RPTOR: variants seen among roughly 807,000 people sequenced by gnomAD.
RPTOR encodes the protein regulatory-associated protein of mTOR.
A neutral mutation model predicts 169.9 loss-of-function variants in RPTOR; 21 were observed. That is an observed-to-expected ratio of 0.12 (90% CI 0.09 to 0.18). The LOEUF is 0.18. Among genes scored for constraint, RPTOR ranks in the 10% least tolerant of loss-of-function variants. RPTOR has a pLI of 1.00. For missense variants in RPTOR, 1,133 were observed against 1,855.9 expected (o/e 0.61, Z 7.16); for synonymous variants, 732 against 753.2 (o/e 0.97, Z 0.46).
intron 6 of RPTOR, among the ~76,000 whole-genome samples, chr17:80,785,555 A>G (rs1654382428): frequency 6.6e-6 from 1 of 152,140 alleles, no homozygotes. Flanking sequence ...TGAGTCCTCG[A>G]ATCACAGCAG....
At chr17:80,567,173 G>A (rs1418747629) in intron 1 of RPTOR, among the ~76,000 whole-genome samples, 3 of 151,882 alleles carry the variant, frequency 2.0e-5, no homozygotes, top group African/African-American at 4.8e-5. Flanking sequence ...GTTTCATCAC[G>A]TTGGCCAGGC....
chr17:80,653,957 C>T (rs1187791022), intron 3 of RPTOR, among the ~76,000 whole-genome samples: 4 of 152,232 alleles, frequency 2.6e-5, no homozygotes, highest in African/African-American at 7.2e-5. Flanking sequence ...TTAAATTCCC[C>T]CCACAAGAGT....
At chr17:80,830,897 CA>C (rs1447379353) in intron 9 of RPTOR, among the ~76,000 whole-genome samples, 1 of 152,028 alleles carries the variant, frequency 6.6e-6, no homozygotes, top group Non-Finnish European at 1.5e-5. Context: ...ACTACAGGCA[CA>C]CGCCCAGCTA....
chr17:80,568,478 C>T (rs540860721), intron 1 of RPTOR, among the ~76,000 whole-genome samples: 2 of 152,180 alleles, frequency 1.3e-5, no homozygotes, highest in South Asian at 4.1e-4. Context: ...TCTTTTTCTC[C>T]TCCAGCTACT....
At chr17:80,629,901 G>C (rs9896281) in intron 2 of RPTOR, among the ~76,000 whole-genome samples, 19,041 of 152,060 alleles carry the variant, frequency 0.13, 1,735 homozygotes, top group African/African-American at 0.26. Flanking sequence ...TATGTATTGC[G>C]CTGTTGGACA....
intron 7 of RPTOR, among the ~76,000 whole-genome samples, chr17:80,808,513 C>T (rs2067241571): frequency 6.6e-6 from 1 of 152,170 alleles, no homozygotes; most frequent in Admixed American, 6.5e-5. Flanking sequence ...CATCATTTCT[C>T]CTTTGTTTTC....
chr17:80,693,521 T>C (rs1379050840), intron 3 of RPTOR, among the ~76,000 whole-genome samples: 2 of 152,262 alleles, frequency 1.3e-5, no homozygotes, highest in Non-Finnish European at 1.5e-5. Context: ...TGTTACTGAA[T>C]AATACATAAA....
chr17:80,572,398 A>C (rs1478746058), intron 1 of RPTOR, among the ~76,000 whole-genome samples: 1 of 134,476 alleles, frequency 7.4e-6, no homozygotes, highest in Non-Finnish European at 1.7e-5. Context: ...ATAATTATAT[A>C]TTTTCTTCTT....
chr17:80,578,370 G>A lies in RPTOR; in HGVS notation c.162+32579G>A, dbSNP rs149128987. Among the ~76,000 whole-genome samples the A allele has an allele frequency of 3.7e-3, 564 of 152,262 alleles. 3 individuals carry two copies. Among genetic ancestry groups the A allele is most frequent in the African/African-American group, 0.013 (543 of 41,538 alleles). ...CAGGCCTGACTGTCTCCAAAGTGGC[G>A]TGTCAGCTGAGGGAACACAGGGTAT... On this transcript the variant is annotated intron_variant, in intron 1 of 33. Transcript: ENST00000306801.
chr17:80,825,402 G>GGCCGCGTGGCGAGGTCGGCAC (rs2067430973), intron 9 of RPTOR, among the ~76,000 whole-genome samples: 1 of 152,370 alleles, frequency 6.6e-6, no homozygotes, highest in Non-Finnish European at 1.5e-5. Context: ...TCTGTCTAGA[G>GGCCGCGTGGCGAGGTCGGCAC]ACTGCTTTCT....
At chr17:80,819,383 A>G (rs1373770364) in intron 7 of RPTOR, among the ~76,000 whole-genome samples, 1 of 152,208 alleles carries the variant, frequency 6.6e-6, no homozygotes, top group Non-Finnish European at 1.5e-5. Flanking sequence ...TTGCTTCTTT[A>G]CTTAATGTTA....
intron 8 of RPTOR, 52 bp downstream of exon 8, chr17:80,822,353 G>T (rs1006209021): frequency 1.9e-6 from 3 of 1,547,152 alleles, no homozygotes; most frequent in South Asian, 1.1e-5. Context: ...TGAGTGCGCG[G>T]GGAGCCGACT....
intron 4 of RPTOR, among the ~76,000 whole-genome samples, chr17:80,709,912 C>G (rs1487195782): frequency 6.6e-6 from 1 of 151,926 alleles, no homozygotes; most frequent in Non-Finnish European, 1.5e-5. Context: ...TGAATTGTGT[C>G]TCTCTTCTCA....
chr17:80,761,152 ACTT>A (rs1271621485), intron 6 of RPTOR, among the ~76,000 whole-genome samples: 4 of 152,162 alleles, frequency 2.6e-5, no homozygotes, highest in Non-Finnish European at 5.9e-5. Flanking sequence ...GCTGTTTTCT[ACTT>A]CTTTGATTGA....
At chr17:80,572,131 T>C (rs1442723647) in intron 1 of RPTOR, among the ~76,000 whole-genome samples, 1 of 152,234 alleles carries the variant, frequency 6.6e-6, no homozygotes, top group Admixed American at 6.5e-5. Flanking sequence ...TGCGTCTCAC[T>C]CTGTCACCCA....
chr17:80,640,803 C>T (rs149378614), intron 2 of RPTOR, among the ~76,000 whole-genome samples: 1 of 145,454 alleles, frequency 6.9e-6, no homozygotes, highest in South Asian at 2.2e-4. Flanking sequence ...GGAACTCCCT[C>T]CCTTCTTCCT....
intron 3 of RPTOR, among the ~76,000 whole-genome samples, chr17:80,683,533 A>G (rs1245640964): frequency 6.6e-6 from 1 of 152,138 alleles, no homozygotes; most frequent in Non-Finnish European, 1.5e-5. Context: ...TGGTTTTGCA[A>G]CCATGGATAA....
At position 80,730,489 on chromosome 17, in the gene RPTOR, G is replaced by C; in HGVS notation, c.508-71G>C. ...GCTCAATGTGTGTGCCTTTTGTAACGGTGCAGTACTCACCAGCAGCCCATA... is the reference window on the plus strand; with the variant it reads ...GCTCAATGTGTGTGCCTTTTGTAACCGTGCAGTACTCACCAGCAGCCCATA... On this transcript the variant is annotated intron_variant, in intron 4 of 33. Coordinates refer to ENST00000306801, the MANE Select transcript of RPTOR (RefSeq NM_020761.3). This position sits in a 1 kb window ranked among gnomAD's most constrained non-coding sequence, Gnocchi z 4.2. 1 of 1,530,274 alleles carries C rather than the reference G, an allele frequency of 6.5e-7. No individual in the cohort carries two copies. The highest frequency in any genetic ancestry group is 9.0e-7 in the Non-Finnish European group (1 of 1,111,142). The allele number at this position is 1,530,274 out of a possible 1,614,324, so 94.8% of individuals were successfully genotyped here.
intron 11 of RPTOR, among the ~76,000 whole-genome samples, chr17:80,848,910 G>A (rs748204279): frequency 7.2e-5 from 11 of 152,224 alleles, no homozygotes; most frequent in East Asian, 1.9e-4. Flanking sequence ...TGACGTATGC[G>A]AAGACAGCTC....
Sources: gnomAD v4.1 joint callset for allele counts (sites outside exome capture counted in the v4.1 genomes callset) on GRCh38, gnomAD v4.1.1 for gene constraint, Gnocchi (gnomAD v3.1) non-coding constraint, MANE v1.5 for transcripts, NCBI Gene and HGNC (gene_info 2026-07-23, HGNC 2026-07-21) for gene names.